Variants in PRTG observed in about 807,000 individuals in gnomAD.
The protein encoded by PRTG is protogenin.
A neutral mutation model predicts 122.5 loss-of-function variants in PRTG; 67 were observed. That is an observed-to-expected ratio of 0.55 (90% CI 0.45 to 0.67). The LOEUF (loss-of-function observed/expected upper bound fraction) is 0.67. Among genes scored for constraint, PRTG ranks in the 30% least tolerant of loss-of-function variants. PRTG has a pLI of 0.00. For synonymous variants in PRTG, 554 were observed against 501.1 expected, an observed-to-expected ratio of 1.11 and a Z score of -1.41; for missense variants, 1,435 against 1,415.4, an observed-to-expected ratio of 1.01 and a Z score of -0.22.
intron 11 of PRTG, chr15:55,656,361 AT>A (rs1211429128): frequency 2.2e-6 from 1 of 455,808 alleles, no homozygotes; most frequent in African/African-American, 2.0e-5. Context: ...CGGGCTAAAC[AT>A]TTTTGACAAG....
intron 2 of PRTG, among the ~76,000 whole-genome samples, chr15:55,739,463 G>A (rs998573605): frequency 6.6e-6 from 1 of 152,020 alleles, no homozygotes; most frequent in South Asian, 2.1e-4. Context: ...TCAATTTGTA[G>A]GTATAGTGCG....
intron 2 of PRTG, among the ~76,000 whole-genome samples, chr15:55,726,752 AAAC>A (rs2031046636): frequency 6.6e-6 from 1 of 152,110 alleles, no homozygotes; most frequent in African/African-American, 2.4e-5. Flanking sequence ...TATGAAAATT[AAAC>A]AACATATTCT....
chr15:55,679,830 T>C, intron 6 of PRTG: 3 of 501,692 alleles, frequency 6.0e-6, no homozygotes, highest in Non-Finnish European at 1.1e-5. Flanking sequence ...GAAGCCTAAA[T>C]AAGAAGGAAC....
chr15:55,705,519 T>A (rs1011898754), intron 2 of PRTG, among the ~76,000 whole-genome samples: 4 of 152,212 alleles, frequency 2.6e-5, no homozygotes, highest in Non-Finnish European at 5.9e-5. Context: ...AGTGGCGCGA[T>A]CTCAGCTCAC....
chr15:55,691,476 A>T (rs946039818), intron 2 of PRTG, among the ~76,000 whole-genome samples: 1 of 151,906 alleles, frequency 6.6e-6, no homozygotes, highest in African/African-American at 2.4e-5. Flanking sequence ...AGGTCAGGAA[A>T]TCAAAACCAT....
intron 11 of PRTG, among the ~76,000 whole-genome samples, chr15:55,654,375 A>G (rs1293770127): frequency 6.6e-6 from 1 of 152,180 alleles, no homozygotes; most frequent in Non-Finnish European, 1.5e-5. Flanking sequence ...ACCTACCCAT[A>G]TAACTTAAAA....
At chr15:55,661,049 A>G (rs1302753344) in intron 11 of PRTG, among the ~76,000 whole-genome samples, 3 of 152,208 alleles carry the variant, frequency 2.0e-5, no homozygotes, top group Admixed American at 2.0e-4. Flanking sequence ...TTTAACACAT[A>G]AAGTGATAGG....
chr15:55,632,239 G>GT (rs1300994755), intron 15 of PRTG, among the ~76,000 whole-genome samples: 2 of 152,254 alleles, frequency 1.3e-5, no homozygotes, highest in Middle Eastern at 3.4e-3. Flanking sequence ...TCTGGCTTCT[G>GT]TTTTTTCTGA....
At chr15:55,624,141 C>A (rs1398771233) in intron 18 of PRTG, among the ~76,000 whole-genome samples, 1 of 151,840 alleles carries the variant, frequency 6.6e-6, no homozygotes, top group Non-Finnish European at 1.5e-5. Flanking sequence ...ATTATGGCAT[C>A]TTTCTCACCT....
At chr15:55,662,002 G>A (rs1319536088) in intron 11 of PRTG, among the ~76,000 whole-genome samples, 4 of 151,876 alleles carry the variant, frequency 2.6e-5, no homozygotes, top group Non-Finnish European at 5.9e-5. Context: ...AGAGCATTTC[G>A]AAAGGTGATA....
chr15:55,701,617 A>C (rs1657953), intron 2 of PRTG, among the ~76,000 whole-genome samples: 148,491 of 152,300 alleles, frequency 0.97, 72,511 homozygotes, highest in East Asian at 1. Context: ...CATTCACACA[A>C]AAGTCTGTAT....
intron 15 of PRTG, among the ~76,000 whole-genome samples, chr15:55,633,437 T>C (rs1353841303): frequency 6.6e-6 from 1 of 152,188 alleles, no homozygotes; most frequent in Admixed American, 6.5e-5. Flanking sequence ...GCTCAACTAT[T>C]GTACTACCAT....
At chr15:55,712,192 C>G (rs542347589) in intron 2 of PRTG, among the ~76,000 whole-genome samples, 2 of 152,192 alleles carry the variant, frequency 1.3e-5, no homozygotes, top group African/African-American at 2.4e-5. Context: ...TCTTCCTACA[C>G]TGATAAGTCT....
At chr15:55,702,993 A>G in intron 2 of PRTG, 1 of 891,304 alleles carries the variant, frequency 1.1e-6, no homozygotes, top group Non-Finnish European at 1.3e-6. Flanking sequence ...ATAATATTCA[A>G]CATAGCACAG....
At position 55,740,376 on chromosome 15, in the gene PRTG, A is replaced by G; in HGVS notation, c.397+6T>C. ...AATGTCAACAACTAAAAACTTAAAC[A>G]CTTACTTGATAAGGCAAGATGAGCT... is the stretch of plus-strand genomic sequence containing the variant. On this transcript the variant is annotated splice_donor_region_variant and intron_variant, in intron 2 of 19. Transcript: ENST00000389286. 6.3e-7 allele frequency: 1 copy of G among 1,581,224 alleles called. No homozygotes were observed. The highest frequency in any genetic ancestry group is 1.2e-5 in the South Asian group (1 of 85,322).
At chr15:55,722,471 T>C (rs1483616389) in intron 2 of PRTG, among the ~76,000 whole-genome samples, 1 of 152,208 alleles carries the variant, frequency 6.6e-6, no homozygotes, top group African/African-American at 2.4e-5. Context: ...AGAATTTTAG[T>C]GTCTACAATG....
Position 55,672,730 on chromosome 15 carries a change from C to G in PRTG, c.1853-97G>C, listed in dbSNP as rs2059480008. On this transcript the variant is annotated intron_variant, in intron 10 of 19. Coordinates refer to ENST00000389286, the MANE Select transcript of PRTG (RefSeq NM_173814.6). ...TCTCTCAGTTTTAAGCAAACAATTA[C>G]CAAAAGGTTCAATCCAAAAATTATA... 9.5e-6 allele frequency: 8 copies of G among 845,822 alleles called. No individual in the cohort carries two copies. The South Asian group carries it at 2.1e-4, about 23-fold the overall frequency. The allele number at this position is 845,822 out of a possible 1,614,324, so 52.4% of individuals were successfully genotyped here. A position where few individuals can be genotyped will look rare whatever the true frequency, so the allele number is the denominator to read the frequency against.
chr15:55,711,313 A>G (rs1379873880), intron 2 of PRTG, among the ~76,000 whole-genome samples: 3 of 152,072 alleles, frequency 2.0e-5, no homozygotes, highest in African/African-American at 7.2e-5. Flanking sequence ...ATCACTGGGT[A>G]CCACAGCTTA....
chr15:55,633,603 T>G (rs763787174), intron 15 of PRTG, among the ~76,000 whole-genome samples: 2 of 152,220 alleles, frequency 1.3e-5, no homozygotes, highest in Non-Finnish European at 1.5e-5. Context: ...CTCTCCCTAT[T>G]CTTTTTTCCT....
Sources: gnomAD v4.1 joint callset for allele counts (sites outside exome capture counted in the v4.1 genomes callset) on GRCh38, gnomAD v4.1.1 for gene constraint, MANE v1.5 for transcripts, NCBI Gene and HGNC (gene_info 2026-07-23, HGNC 2026-07-21) for gene names.